B4GALT7: variants seen among roughly 807,000 people sequenced by gnomAD.
The protein encoded by B4GALT7 is beta-1,4-galactosyltransferase 7, also known as UDP-Gal:beta-GlcNAc beta-1,4-galactosyltransferase 7.
Under a neutral mutation model 33.0 loss-of-function variants are expected in B4GALT7, and 30 were observed. That is an observed-to-expected ratio of 0.91 (90% CI 0.68 to 1.23). The LOEUF (loss-of-function observed/expected upper bound fraction) is 1.23. B4GALT7 is among the 50% of genes most tolerant of loss of function. The probability of loss-of-function intolerance (pLI) is 0.00; values close to 1 mark genes in which losing one functional copy is unlikely to be tolerated. For synonymous variants in B4GALT7, 213 were observed against 187.2 expected, an observed-to-expected ratio of 1.14 and a Z score of -1.13; for missense variants, 507 against 450.8, an observed-to-expected ratio of 1.12 and a Z score of -1.13.
Position 177,608,526 on chromosome 5 carries a change from G to T in B4GALT7, c.640-13G>T. On this transcript the variant is annotated splice_polypyrimidine_tract_variant and intron_variant, in intron 3 of 5. Transcript: ENST00000029410. The surrounding 1 kb of genome is among the most constrained non-coding windows in gnomAD (Gnocchi z 4.1). ...GAAGATGGGCCGAGTGACGCTGCTT[G>T]TCTCTGTGTCAGTGCAATGGGATGT... The T allele has an allele frequency of 1.9e-6, 3 of 1,608,940 alleles. No homozygotes were observed. The highest frequency in any genetic ancestry group is 1.7e-4 in the Middle Eastern group (1 of 6,012).
rs1768069002 is a variant in B4GALT7 at position 177,608,200 on chromosome 5, G to T, written c.640-339G>T. Reference sequence around the variant, plus strand: ...CCCTCTCACACACACAGGAAGAGATGAGGGCAGGGCCACCAGGAGAAAGGG... The same window carrying T: ...CCCTCTCACACACACAGGAAGAGATTAGGGCAGGGCCACCAGGAGAAAGGG... On this transcript the variant is annotated intron_variant, in intron 3 of 5. Coordinates refer to ENST00000029410, the MANE Select transcript of B4GALT7 (RefSeq NM_007255.3). The surrounding 1 kb of genome is among the most constrained non-coding windows in gnomAD (Gnocchi z 4.1). 2.7e-6 allele frequency: 1 copy of T among 365,634 alleles called. No individual in the cohort carries two copies. The highest frequency in any genetic ancestry group is 4.1e-5 in the Admixed American group (1 of 24,478). 22.6% of individuals were successfully genotyped at this position (365,634 alleles called of 1,614,324 possible).
chr5:177,603,600 G>A (rs2127511095), intron 1 of B4GALT7, among the ~76,000 whole-genome samples: 1 of 152,156 alleles, frequency 6.6e-6, no homozygotes, highest in East Asian at 1.9e-4. Context: ...CATTGCTTCG[G>A]GGGGCACGTC....
Position 177,604,222 on chromosome 5 carries a change from T to C in B4GALT7, c.94T>C (p.Phe32Leu). The change falls in exon 2 of 6, where the codon TTC becomes CTC. Residue 32 changes from phenylalanine to leucine, a missense_variant. Coordinates refer to ENST00000029410, the MANE Select transcript of B4GALT7 (RefSeq NM_007255.3). Reference sequence around the variant, plus strand: ...CGGCCTCCCTCGGAAGTGTTCCGTCTTCCACCTGTTCGTGGCCTGCCTCTC... The same window carrying C: ...CGGCCTCCCTCGGAAGTGTTCCGTCCTCCACCTGTTCGTGGCCTGCCTCTC... The part of the protein sequence containing the change: ...SGGLPRKCSV[F>L]HLFVACLSLG... The C allele has an allele frequency of 6.2e-7, 1 of 1,613,736 alleles. No individual in the cohort carries two copies. Among genetic ancestry groups the C allele is most frequent in the African/African-American group, 1.3e-5 (1 of 75,030 alleles).
chr5:177,609,135 C>A, intron 5 of B4GALT7, 121 bp downstream of exon 5: 1 of 928,898 alleles, frequency 1.1e-6, no homozygotes, highest in Admixed American at 2.0e-5. Flanking sequence ...TGGCCCAGGT[C>A]AGTCGACGGG....
rs529306445 is a variant in B4GALT7 at position 177,608,406 on chromosome 5, A to G, written c.640-133A>G. On this transcript the variant is annotated intron_variant, in intron 3 of 5. Coordinates refer to ENST00000029410, the MANE Select transcript of B4GALT7 (RefSeq NM_007255.3). This position sits in a 1 kb window ranked among gnomAD's most constrained non-coding sequence, Gnocchi z 4.1. ...TGCTTCCTGCCGCCCGCACTGCAGA[A>G]GTGCAGGAGCCTGCAAGCACCCGGG... 48 of 758,856 alleles carry G rather than the reference A, an allele frequency of 6.3e-5. No individual in the cohort carries two copies. The African/African-American group carries it at 7.6e-4, about 12-fold the overall frequency. 47.0% of individuals were successfully genotyped at this position (758,856 alleles called of 1,614,324 possible).
chr5:177,603,988 TAG>T (rs1767906928), intron 1 of B4GALT7, 189 bp from the exon 2 acceptor site: 1 of 840,876 alleles, frequency 1.2e-6, no homozygotes, highest in Non-Finnish European at 1.9e-6. Context: ...GGGTTGGGTC[TAG>T]AGAGGCAAGC....
rs538388662 is a variant in B4GALT7 at position 177,608,645 on chromosome 5, G to A, written c.723+23G>A. On this transcript the variant is annotated intron_variant, in intron 4 of 5. Coordinates refer to ENST00000029410, the MANE Select transcript of B4GALT7 (RefSeq NM_007255.3). This position sits in a 1 kb window ranked among gnomAD's most constrained non-coding sequence, Gnocchi z 4.1. Reference sequence around the variant, plus strand: ...CAGGTGAGATTCCCCGGGCCCCGCCGCCACCTCAGCTGCGGTGGCTGCCCT... The same window carrying A: ...CAGGTGAGATTCCCCGGGCCCCGCCACCACCTCAGCTGCGGTGGCTGCCCT... 35 of 1,604,284 alleles carry A rather than the reference G, an allele frequency of 2.2e-5. No individual in the cohort carries two copies. Among genetic ancestry groups the A allele is most frequent in the African/African-American group, 1.7e-4 (13 of 74,874 alleles).
intron 3 of B4GALT7, chr5:177,607,852 C>T: frequency 2.3e-6 from 1 of 432,062 alleles, no homozygotes; most frequent in Non-Finnish European, 4.3e-6. Flanking sequence ...AGCTCTCCTT[C>T]CCTGCACTGG....
intron 3 of B4GALT7, chr5:177,607,816 G>T: frequency 2.0e-6 from 1 of 504,800 alleles, no homozygotes; most frequent in Non-Finnish European, 3.6e-6. Flanking sequence ...AGTGTCACCA[G>T]GACCCTGTTT....
chr5:177,609,504 C>A (rs368680304), intron 5 of B4GALT7, 36 bp from the exon 6 acceptor site: 4 of 1,611,746 alleles, frequency 2.5e-6, no homozygotes, highest in Non-Finnish European at 3.4e-6. Flanking sequence ...ACCCATGCAG[C>A]CCTGAGTCCG....
rs1768008616 is a variant in B4GALT7, at chr5:177,606,297, A to T, written c.414-1005A>T. 2 of 152,446 alleles carry T rather than the reference A, an allele frequency of 1.3e-5. No individual in the cohort carries two copies. Among genetic ancestry groups the T allele is most frequent in the African/African-American group, 4.8e-5 (2 of 41,418 alleles). 9.4% of individuals were successfully genotyped at this position (152,446 alleles called of 1,614,324 possible). Reference sequence around the variant, plus strand: ...CTCAGAGCTACTGCAAGCTTCCATGATCACAGCTGAATTGCTGGTGGCCTG... The same window carrying T: ...CTCAGAGCTACTGCAAGCTTCCATGTTCACAGCTGAATTGCTGGTGGCCTG... On this transcript the variant is annotated intron_variant, in intron 2 of 5. Transcript: ENST00000029410. The surrounding 1 kb of genome is among the most constrained non-coding windows in gnomAD (Gnocchi z 4.2).
At position 177,608,553 on chromosome 5, in the gene B4GALT7, C is replaced by T. The variant is rs780413704; in HGVS notation, c.654C>T (p.Ser218=). The T allele has an allele frequency of 6.2e-7, 1 of 1,613,750 alleles. No individual in the cohort carries two copies. Among genetic ancestry groups the T allele is most frequent in the South Asian group, 1.1e-5 (1 of 91,080 alleles). Reference sequence around the variant, plus strand: ...CTCTGTGTCAGTGCAATGGGATGTCCAACCGCTTCTGGGGCTGGGGCCGCG... The same window carrying T: ...CTCTGTGTCAGTGCAATGGGATGTCTAACCGCTTCTGGGGCTGGGGCCGCG... ...KQHYRLCNGM[S]NRFWGWGRED... The change falls in exon 4 of 6, where the codon TCC becomes TCT. Residue 218 remains serine (S), a synonymous_variant. Transcript: ENST00000029410. This position sits in a 1 kb window ranked among gnomAD's most constrained non-coding sequence, Gnocchi z 4.1.
intron 2 of B4GALT7, 181 bp from the exon 3 acceptor site, chr5:177,607,121 T>C (rs116372418): frequency 1.2e-5 from 8 of 669,126 alleles, no homozygotes; most frequent in Non-Finnish European, 2.7e-6. Context: ...TTGAATGGTT[T>C]CTGGCACATA....
chr5:177,608,209 G>T lies in B4GALT7; in HGVS notation c.640-330G>T. The T allele has an allele frequency of 2.6e-6, 1 of 389,666 alleles. No homozygotes were observed. The highest frequency in any genetic ancestry group is 5.9e-5 in the East Asian group (1 of 17,042). The allele number at this position is 389,666 out of a possible 1,614,324, so 24.1% of individuals were successfully genotyped here. ...ACACACAGGAAGAGATGAGGGCAGG[G>T]CCACCAGGAGAAAGGGGAATGGGGG... On this transcript the variant is annotated intron_variant, in intron 3 of 5. Transcript: ENST00000029410. This position sits in a 1 kb window ranked among gnomAD's most constrained non-coding sequence, Gnocchi z 4.1.
In B4GALT7 at chr5:177,604,490, G is replaced by C. The variant is rs781467817; in HGVS notation, c.362G>C (p.Arg121Thr). 3.1e-6 allele frequency: 5 copies of C among 1,614,020 alleles called. No individual in the cohort carries two copies. In the Admixed American group the frequency reaches 8.3e-5, roughly 27 times the overall value. The change falls in exon 2 of 6, where the codon AGG (arginine) becomes ACG (threonine). Residue 121 changes from arginine to threonine, a missense_variant. Arg to Thr is a moderately conservative substitution (Grantham distance 71, BLOSUM62 -1). Transcript: ENST00000029410. The part of the protein sequence containing the change: ...FVPHMRRFLS[R>T]KKIRHHIYVL... The stretch of plus-strand genomic sequence containing the variant: ...CCCCACATGCGCCGCTTCCTGAGCA[G>C]GAAGAAGATCCGGCACCACATCTAC...
chr5:177,608,889 G>T lies in B4GALT7; in HGVS notation c.724-21G>T. On this transcript the variant is annotated intron_variant, in intron 4 of 5. Coordinates refer to ENST00000029410, the MANE Select transcript of B4GALT7 (RefSeq NM_007255.3). The surrounding 1 kb of genome is among the most constrained non-coding windows in gnomAD (Gnocchi z 4.1). Reference sequence around the variant, plus strand: ...GCTCCAGGAAGGGCAGCCTGACCCCGACTTCCTTGGACCTCCCTAGCTTTT... The same window carrying T: ...GCTCCAGGAAGGGCAGCCTGACCCCTACTTCCTTGGACCTCCCTAGCTTTT... 1 of 1,605,884 alleles carries T rather than the reference G, an allele frequency of 6.2e-7. No homozygotes were observed. The highest frequency in any genetic ancestry group is 8.5e-7 in the Non-Finnish European group (1 of 1,173,538).
chr5:177,604,915 C>A (rs1374078102), intron 2 of B4GALT7: 3 of 461,310 alleles, frequency 6.5e-6, no homozygotes, highest in Non-Finnish European at 1.3e-5. Context: ...AAGGGAGGGT[C>A]AAGGCCACGG....
chr5:177,600,303 C>T lies in B4GALT7; in HGVS notation c.50+43C>T, dbSNP rs954820433. 1.6e-6 allele frequency: 2 copies of T among 1,289,296 alleles called. No individual in the cohort carries two copies. Among genetic ancestry groups the T allele is most frequent in the Non-Finnish European group, 2.0e-6 (2 of 1,013,876 alleles). The allele number at this position is 1,289,296 out of a possible 1,614,324, so 79.9% of individuals were successfully genotyped here. A position where few individuals can be genotyped will look rare whatever the true frequency, so the allele number is the denominator to read the frequency against. On this transcript the variant is annotated intron_variant, in intron 1 of 5. Coordinates refer to ENST00000029410, the MANE Select transcript of B4GALT7 (RefSeq NM_007255.3). This position sits in a 1 kb window ranked among gnomAD's most constrained non-coding sequence, Gnocchi z 4.4. ...GCCCGGGCCCCGTCCTCCCGGGCGC[C>T]GCTCCCTTCTCGGCCGCCGGCGGAA... is the stretch of plus-strand genomic sequence containing the variant.
At chr5:177,607,575 G>A (rs368071898) in intron 3 of B4GALT7, 48 bp downstream of exon 3, 1 of 1,557,124 alleles carries the variant, frequency 6.4e-7, no homozygotes, top group African/African-American at 1.4e-5. Flanking sequence ...GCTCCCTCCA[G>A]GCTGCGGGTG....
Sources: gnomAD v4.1 joint callset for allele counts (sites outside exome capture counted in the v4.1 genomes callset) on GRCh38, gnomAD v4.1.1 for gene constraint, Gnocchi (gnomAD v3.1) non-coding constraint, MANE v1.5 for transcripts, NCBI Gene and HGNC (gene_info 2026-07-23, HGNC 2026-07-21) for gene names.